The following DLG2 variants were observed in gnomAD, a reference collection of about 807,000 sequenced individuals.
The protein encoded by DLG2 is discs large MAGUK scaffold protein 2, also known as disks large homolog 2.
In DLG2, 45 loss-of-function variants were observed where a neutral mutation model predicts 132.5. That is an observed-to-expected ratio of 0.34 (90% CI 0.27 to 0.44). The LOEUF (loss-of-function observed/expected upper bound fraction) is 0.44. DLG2 is among the 20% of genes least tolerant of loss of function. The pLI is 1.00. For missense variants in DLG2, 1,045 were observed against 1,196.9 expected (o/e 0.87, Z 1.87); for synonymous variants, 424 against 419.6 (o/e 1.01, Z -0.13).
intron 4 of DLG2, among the ~76,000 whole-genome samples, chr11:85,190,141 A>T (rs1481109048): frequency 6.6e-6 from 1 of 152,146 alleles, no homozygotes; most frequent in African/African-American, 2.4e-5. Context: ...ATGTGTAATC[A>T]GTATAGAAAA....
At chr11:84,942,239 C>T (rs2049536406) in intron 6 of DLG2, among the ~76,000 whole-genome samples, 1 of 151,856 alleles carries the variant, frequency 6.6e-6, no homozygotes, top group South Asian at 2.1e-4. Context: ...TCATCTATTT[C>T]TGGTCTGATC....
At chr11:83,827,364 C>T (rs926416361) in intron 17 of DLG2, among the ~76,000 whole-genome samples, 6 of 152,072 alleles carry the variant, frequency 3.9e-5, no homozygotes, top group African/African-American at 1.4e-4. Context: ...CAAGTCCTTC[C>T]CCTCTGCACG....
chr11:84,526,621 T>C (rs2099321341), intron 7 of DLG2, among the ~76,000 whole-genome samples: 1 of 152,144 alleles, frequency 6.6e-6, no homozygotes, highest in Non-Finnish European at 1.5e-5. Context: ...AAGTATATTG[T>C]TATAATTATA....
At chr11:84,746,151 C>G (rs1234398842) in intron 6 of DLG2, among the ~76,000 whole-genome samples, 2 of 149,946 alleles carry the variant, frequency 1.3e-5, no homozygotes, top group African/African-American at 4.9e-5. Context: ...CAGCTGTGGG[C>G]AAGGGGTCAC....
At chr11:84,153,387 C>CT (rs1227444403) in intron 9 of DLG2, among the ~76,000 whole-genome samples, 3 of 152,132 alleles carry the variant, frequency 2.0e-5, no homozygotes, top group Non-Finnish European at 2.9e-5. Flanking sequence ...GTCAACCTCT[C>CT]TAGTGAAACT....
chr11:85,381,881 G>C (rs2152931183), intron 3 of DLG2, among the ~76,000 whole-genome samples: 1 of 152,128 alleles, frequency 6.6e-6, no homozygotes, highest in Non-Finnish European at 1.5e-5. Flanking sequence ...TCATGAATTA[G>C]AACGCAATAT....
At chr11:84,787,578 CACTT>C (rs1282098369) in intron 6 of DLG2, among the ~76,000 whole-genome samples, 1 of 152,158 alleles carries the variant, frequency 6.6e-6, no homozygotes, top group Admixed American at 6.6e-5. Flanking sequence ...TCTACCACCT[CACTT>C]AGTATGGCAA....
At chr11:85,050,894 A>G (rs2062823093) in intron 6 of DLG2, among the ~76,000 whole-genome samples, 1 of 152,070 alleles carries the variant, frequency 6.6e-6, no homozygotes, top group East Asian at 1.9e-4. Context: ...CTGCATTAGC[A>G]TTATTGTAAG....
rs776983374 is a variant in DLG2 at position 83,930,405 on chromosome 11, C to A, written c.1419G>T (p.Glu473Asp). ...CTGAGAGGAGGAAGCTTTTGTCACACTCAACAGGGGAATAGTGCCTGGGAG... is the reference window on the plus strand; with the variant it reads ...CTGAGAGGAGGAAGCTTTTGTCACAATCAACAGGGGAATAGTGCCTGGGAG... Reference protein sequence around the residue: ...PASPRHYSPVECDKSFLLSAP... With the variant: ...PASPRHYSPVDCDKSFLLSAP... The change falls in exon 15 of 28, where the codon GAG becomes GAT. Residue 473 changes from glutamate (E) to aspartate (D), a missense_variant. Transcript: ENST00000376104. 1 of 1,614,102 alleles carries A rather than the reference C, an allele frequency of 6.2e-7. No homozygotes were observed. Among genetic ancestry groups the A allele is most frequent in the Non-Finnish European group, 8.5e-7 (1 of 1,179,970 alleles).
chr11:85,085,049 A>T (rs2067736636), intron 6 of DLG2, among the ~76,000 whole-genome samples: 1 of 152,174 alleles, frequency 6.6e-6, no homozygotes, highest in Non-Finnish European at 1.5e-5. Flanking sequence ...CTCCAAAGGA[A>T]ATTTTGATTC....
intron 6 of DLG2, among the ~76,000 whole-genome samples, chr11:84,697,491 G>C (rs2058738064): frequency 6.6e-6 from 1 of 151,218 alleles, no homozygotes; most frequent in Non-Finnish European, 1.5e-5. Context: ...ATTTTTTTTA[G>C]AAAAACACAC....
At chr11:84,142,893 C>T (rs367921830) in intron 9 of DLG2, among the ~76,000 whole-genome samples, 1 of 152,080 alleles carries the variant, frequency 6.6e-6, no homozygotes, top group Non-Finnish European at 1.5e-5. Context: ...GACTTCTTGT[C>T]TTCCATAATT....
At chr11:85,513,455 T>C (rs1565616025) in intron 3 of DLG2, among the ~76,000 whole-genome samples, 1 of 152,072 alleles carries the variant, frequency 6.6e-6, no homozygotes, top group Admixed American at 6.6e-5. Context: ...AATTGAGATG[T>C]CAATAGTGAG....
At chr11:84,148,999 C>T (rs771368999) in intron 9 of DLG2, among the ~76,000 whole-genome samples, 18 of 152,140 alleles carry the variant, frequency 1.2e-4, no homozygotes, top group South Asian at 6.2e-4. Flanking sequence ...ATATGTTTTT[C>T]GGCTACTTGT....
intron 2 of DLG2, among the ~76,000 whole-genome samples, chr11:85,607,188 A>G (rs1463730111): frequency 6.6e-6 from 1 of 152,196 alleles, no homozygotes; most frequent in Non-Finnish European, 1.5e-5. Context: ...GCCAGTTAAA[A>G]GTGACTAGCA....
chr11:85,404,869 C>T (rs2088566006), intron 3 of DLG2, among the ~76,000 whole-genome samples: 1 of 151,850 alleles, frequency 6.6e-6, no homozygotes, highest in African/African-American at 2.4e-5. Context: ...GTCTGAGAGG[C>T]TGTGAAAAGG....
chr11:83,460,995 T>C (rs1341632695), intron 27 of DLG2, among the ~76,000 whole-genome samples: 1 of 139,272 alleles, frequency 7.2e-6, no homozygotes, highest in Non-Finnish European at 1.5e-5. Flanking sequence ...AAGAAAGTTC[T>C]TGGGTTTTTT....
intron 6 of DLG2, among the ~76,000 whole-genome samples, chr11:85,076,009 C>T (rs545581412): frequency 6.6e-6 from 1 of 152,000 alleles, no homozygotes; most frequent in South Asian, 2.1e-4. Flanking sequence ...TTTAGAGCTC[C>T]CCTACTTTGA....
intron 4 of DLG2, among the ~76,000 whole-genome samples, chr11:85,209,284 T>A (rs1215239045): frequency 6.6e-6 from 1 of 152,032 alleles, no homozygotes; most frequent in Non-Finnish European, 1.5e-5. Flanking sequence ...AATATCAATG[T>A]TGATTTTTTT....
Sources: gnomAD v4.1 joint callset for allele counts (sites outside exome capture counted in the v4.1 genomes callset) on GRCh38, gnomAD v4.1.1 for gene constraint, MANE v1.5 for transcripts, NCBI Gene and HGNC (gene_info 2026-07-23, HGNC 2026-07-21) for gene names.